Variants in RIN2 observed in about 807,000 individuals in gnomAD.
RIN2 encodes RAB5 interacting protein 2.
In RIN2, 36 loss-of-function variants were observed where a neutral mutation model predicts 78.0. The ratio of observed to expected loss-of-function variants is 0.46; its 90% confidence interval spans 0.35 to 0.61. The LOEUF is 0.61. RIN2 is among the 20% of genes least tolerant of loss of function. The pLI, the probability that RIN2 is intolerant of heterozygous loss-of-function variation, is 0.00. For synonymous variants in RIN2, 466 were observed against 466.8 expected (o/e 1.00, Z 0.02); for missense variants, 1,087 against 1,159.7 (o/e 0.94, Z 0.91).
At chr20:19,943,385 C>T (rs2040958137) in intron 4 of RIN2, among the ~76,000 whole-genome samples, 1 of 152,140 alleles carries the variant, frequency 6.6e-6, no homozygotes, top group Admixed American at 6.5e-5. Flanking sequence ...TGCTGGGCCT[C>T]AGTTGATAGA....
At chr20:19,774,762 A>AC (rs1307115175) in intron 1 of RIN2, among the ~76,000 whole-genome samples, 1 of 152,202 alleles carries the variant, frequency 6.6e-6, no homozygotes, top group Non-Finnish European at 1.5e-5. Context: ...ATGTAATAGG[A>AC]TTTGGTGTTA....
Position 19,975,026 on chromosome 20 carries a change from T to C in RIN2, c.1001T>C (p.Met334Thr), listed in dbSNP as rs1398783440. 4 of 1,553,042 alleles carry C rather than the reference T, an allele frequency of 2.6e-6. No homozygotes were observed. In the African/African-American group the frequency reaches 4.2e-5, roughly 16 times the overall value. ...GCCAGGACTGAAACCCAGACGAGCA[T>C]GCCAGAAACAGTCAACCATAACAAA... ...RLARTETQTS[M>T]PETVNHNKHG... Residue 334 changes from methionine (M) to threonine (T), a missense_variant, in exon 9 of 13, where the codon ATG (methionine) becomes ACG (threonine). Met to Thr is a moderately conservative substitution (Grantham distance 81, BLOSUM62 -1). Around this residue, in one of 8 missense-constraint regions of RIN2, gnomAD observed 706 missense variants for 667.5 expected, o/e 1.06. Transcript: ENST00000255006. This position sits in a 1 kb window ranked among gnomAD's most constrained non-coding sequence, Gnocchi z 4.9.
intron 3 of RIN2, among the ~76,000 whole-genome samples, chr20:19,910,143 A>G (rs377235917): frequency 6.6e-6 from 1 of 152,168 alleles, no homozygotes; most frequent in South Asian, 2.1e-4. Flanking sequence ...AATCTTGTGT[A>G]CATTAATTTT....
intron 3 of RIN2, among the ~76,000 whole-genome samples, chr20:19,920,163 G>T (rs547513490): frequency 6.6e-5 from 10 of 152,220 alleles, no homozygotes; most frequent in South Asian, 4.2e-4. Flanking sequence ...AGGCATGGTG[G>T]CGGGCGCCTA....
intron 3 of RIN2, among the ~76,000 whole-genome samples, chr20:19,920,065 C>T (rs1029569083): frequency 2.0e-5 from 3 of 152,132 alleles, no homozygotes; most frequent in Admixed American, 6.5e-5. Flanking sequence ...GAGGCCGAGG[C>T]GGGCAGATCA....
intron 9 of RIN2, among the ~76,000 whole-genome samples, chr20:19,987,753 C>G (rs963567958): frequency 6.6e-6 from 1 of 152,108 alleles, no homozygotes; most frequent in Non-Finnish European, 1.5e-5. Context: ...CAATGTAAAC[C>G]AAGTAATTTG....
In RIN2 at chr20:19,974,764, A is replaced by C. The variant is rs1353049255; in HGVS notation, c.739A>C (p.Asn247His). 1 of 1,613,916 alleles carries C rather than the reference A, an allele frequency of 6.2e-7. No homozygotes were observed. Among genetic ancestry groups the C allele is most frequent in the Non-Finnish European group, 8.5e-7 (1 of 1,179,858 alleles). ...PASLRQLCLI[N>H]GVHSIKTRTP... ...CTCCCTGCGTCAGCTCTGCCTTATA[A>C]ATGGAGTGCATTCTATCAAAACCAG... Residue 247 changes from asparagine to histidine, a missense_variant, in exon 9 of 13, where the codon AAT (asparagine) becomes CAT (histidine). By Grantham distance (68) the Asn-to-His change is moderately conservative. Around this residue, in one of 8 missense-constraint regions of RIN2, gnomAD observed 706 missense variants for 667.5 expected, o/e 1.06. Transcript: ENST00000255006.
intron 2 of RIN2, among the ~76,000 whole-genome samples, chr20:19,883,632 C>T (rs1339154534): frequency 6.6e-6 from 1 of 152,050 alleles, no homozygotes; most frequent in Non-Finnish European, 1.5e-5. Flanking sequence ...CATGAGCCAC[C>T]ATGTCCAGTC....
intron 10 of RIN2, among the ~76,000 whole-genome samples, chr20:19,990,688 G>T (rs73901364): frequency 2.6e-5 from 4 of 151,982 alleles, no homozygotes; most frequent in Non-Finnish European, 5.9e-5. Flanking sequence ...GTCTTTAGCC[G>T]GATGTCACCC....
chr20:19,898,458 T>G (rs542715958), intron 3 of RIN2, among the ~76,000 whole-genome samples: 2 of 152,356 alleles, frequency 1.3e-5, no homozygotes, highest in Admixed American at 1.3e-4. Flanking sequence ...CAATATAGAA[T>G]GAACACCTGC....
chr20:19,920,077 A>G (rs1176170983), intron 3 of RIN2, among the ~76,000 whole-genome samples: 2 of 151,946 alleles, frequency 1.3e-5, no homozygotes, highest in East Asian at 1.9e-4. Flanking sequence ...GGCAGATCAC[A>G]AGGTCAGAAG....
At chr20:19,806,685 A>T (rs898791862) in intron 2 of RIN2, among the ~76,000 whole-genome samples, 1 of 152,144 alleles carries the variant, frequency 6.6e-6, no homozygotes, top group African/African-American at 2.4e-5. Flanking sequence ...TTGCCTGAGC[A>T]CAGAAGTTTG....
In RIN2 at chr20:19,844,692, C is replaced by CTTCTTCT. The variant is rs1555832328; in HGVS notation, c.-36-44873_-36-44872insTCTTCTT. Among the ~76,000 whole-genome samples, 5 of 117,624 alleles carry CTTCTTCT rather than the reference C, an allele frequency of 4.3e-5. 1 individual carries two copies. The highest frequency in any genetic ancestry group is 1.7e-4 in the African/African-American group (5 of 29,916). The allele number at this position is 117,624 out of a possible 152,430, so 77.2% of individuals were successfully genotyped here. A position where few individuals can be genotyped will look rare whatever the true frequency, so the allele number is the denominator to read the frequency against. ...TTCCTTCTTCTTCTTCTTCCTCTTC[C>CTTCTTCT]TCTTCCTCTTCTTCTTCTTCTTCTT... On this transcript the variant is annotated intron_variant, in intron 2 of 12. Transcript: ENST00000255006.
intron 2 of RIN2, among the ~76,000 whole-genome samples, chr20:19,810,715 G>A (rs151083351): frequency 0.015 from 1,760 of 121,368 alleles, 61 homozygotes; most frequent in African/African-American, 0.055. Context: ...TTTTTGAGAC[G>A]GAGTCTTGTT....
intron 2 of RIN2, among the ~76,000 whole-genome samples, chr20:19,856,547 G>C (rs1056787235): frequency 7.5e-5 from 11 of 147,116 alleles, no homozygotes; most frequent in African/African-American, 2.5e-4. Context: ...AAAAAAAAAA[G>C]AGAGAGGGAG....
At chr20:19,929,108 TGGCTGCACTGAATCACA>T (rs1405071014) in intron 3 of RIN2, among the ~76,000 whole-genome samples, 9 of 152,168 alleles carry the variant, frequency 5.9e-5, no homozygotes. Context: ...TCTGACCCTC[TGGCTGCACTGAATCACA>T]GGTGGCTCTG....
intron 3 of RIN2, among the ~76,000 whole-genome samples, chr20:19,924,514 CTCCCA>C (rs2040124746): frequency 7.7e-5 from 3 of 39,076 alleles, no homozygotes; most frequent in Non-Finnish European, 1.4e-4. Context: ...CACCTTCACA[CTCCCA>C]CCTTCGTTCC....
intron 3 of RIN2, among the ~76,000 whole-genome samples, chr20:19,928,372 C>T (rs1042880635): frequency 6.6e-6 from 1 of 152,160 alleles, no homozygotes; most frequent in Non-Finnish European, 1.5e-5. Flanking sequence ...TTTTCTGAGC[C>T]AAAAGCTGGT....
chr20:19,835,209 G>A (rs1052917856), intron 2 of RIN2, among the ~76,000 whole-genome samples: 1 of 152,092 alleles, frequency 6.6e-6, no homozygotes, highest in African/African-American at 2.4e-5. Flanking sequence ...CTCCCACATT[G>A]CATCTATCAT....
Sources: gnomAD v4.1 joint callset for allele counts (sites outside exome capture counted in the v4.1 genomes callset) on GRCh38, gnomAD v4.1.1 for gene constraint, gnomAD v4.1.1 regional missense constraint, Gnocchi (gnomAD v3.1) non-coding constraint, MANE v1.5 for transcripts, NCBI Gene and HGNC (gene_info 2026-07-23, HGNC 2026-07-21) for gene names.